THUMPD2: variants seen among roughly 807,000 people sequenced by gnomAD.
THUMPD2 encodes THUMP domain 2 tRNA and snRNA guanosine methyltransferase.
Under a neutral mutation model 49.4 loss-of-function variants are expected in THUMPD2, and 56 were observed. The observed-to-expected ratio is 1.13, with a 90% CI of 0.91 to 1.41. The LOEUF (loss-of-function observed/expected upper bound fraction) is 1.41, where lower values mean the gene tolerates loss of function less well. Among genes scored for constraint, THUMPD2 ranks in the 40% most tolerant of loss-of-function variants. The probability of loss-of-function intolerance (pLI) is 0.00; values close to 1 mark genes in which losing one functional copy is unlikely to be tolerated. For synonymous variants in THUMPD2, 237 were observed against 205.2 expected, an observed-to-expected ratio of 1.15 and a Z score of -1.32; for missense variants, 709 against 594.5, an observed-to-expected ratio of 1.19 and a Z score of -2.00.
intron 8 of THUMPD2, among the ~76,000 whole-genome samples, chr2:39,754,270 TTG>T (rs1289642295): frequency 6.6e-6 from 1 of 152,230 alleles, no homozygotes; most frequent in Non-Finnish European, 1.5e-5. Context: ...CTCTACAAAC[TTG>T]TGTCTCCTGC....
chr2:39,770,167 A>G (rs1678120502), intron 2 of THUMPD2, 48 bp from the exon 3 acceptor site: 2 of 1,277,014 alleles, frequency 1.6e-6, no homozygotes, highest in Non-Finnish European at 2.1e-6. Flanking sequence ...TTTAAAGACC[A>G]TCTATTACAA....
At chr2:39,752,585 T>C (rs529688301) in intron 8 of THUMPD2, among the ~76,000 whole-genome samples, 25 of 152,300 alleles carry the variant, frequency 1.6e-4, no homozygotes, top group African/African-American at 5.1e-4. Context: ...TTGGCCCCTG[T>C]ATTAGCAAGA....
chr2:39,762,071 T>C (rs966294728), intron 5 of THUMPD2, among the ~76,000 whole-genome samples: 4 of 152,172 alleles, frequency 2.6e-5, no homozygotes, highest in African/African-American at 9.6e-5. Flanking sequence ...TTGATAGAAA[T>C]TTTCAAAATG....
At chr2:39,773,347 T>G (rs727376) in intron 1 of THUMPD2, among the ~76,000 whole-genome samples, 62,529 of 151,464 alleles carry the variant, frequency 0.41, 14,404 homozygotes, top group East Asian at 0.75. Context: ...TTACTGAAAA[T>G]GTATGATTTT....
chr2:39,756,638 A>G (rs545493550), intron 6 of THUMPD2, among the ~76,000 whole-genome samples: 1 of 152,190 alleles, frequency 6.6e-6, no homozygotes, highest in East Asian at 1.9e-4. Context: ...GAGGAAGTGA[A>G]CAGGAAAGAG....
chr2:39,772,490 T>C (rs998118349), intron 1 of THUMPD2, among the ~76,000 whole-genome samples: 7 of 152,120 alleles, frequency 4.6e-5, no homozygotes, highest in African/African-American at 1.7e-4. Flanking sequence ...GATACTTGGC[T>C]GCAGAAACTA....
At chr2:39,774,338 A>G (rs188318181) in intron 1 of THUMPD2, among the ~76,000 whole-genome samples, 35 of 152,376 alleles carry the variant, frequency 2.3e-4, no homozygotes, top group African/African-American at 6.0e-4. Flanking sequence ...AGCGTTTACT[A>G]TCAGAAGTGT....
At chr2:39,779,036 C>G in intron 1 of THUMPD2, 78 bp downstream of exon 1, 1 of 1,354,678 alleles carries the variant, frequency 7.4e-7, no homozygotes, top group Non-Finnish European at 9.5e-7. Context: ...GACGCTTTCC[C>G]GCGTCCACGA....
chr2:39,751,502 C>A (rs992847678), intron 8 of THUMPD2, among the ~76,000 whole-genome samples: 2 of 152,038 alleles, frequency 1.3e-5, no homozygotes, highest in Non-Finnish European at 2.9e-5. Flanking sequence ...TTGCTCAAAT[C>A]TGTTTATGTT....
At chr2:39,764,616 T>G (rs1204842430) in intron 5 of THUMPD2, among the ~76,000 whole-genome samples, 1 of 152,254 alleles carries the variant, frequency 6.6e-6, no homozygotes, top group Non-Finnish European at 1.5e-5. Context: ...CTCTACTTTG[T>G]TTCATCATTT....
intron 8 of THUMPD2, among the ~76,000 whole-genome samples, chr2:39,750,723 A>T (rs1572781021): frequency 6.7e-6 from 1 of 148,244 alleles, no homozygotes. Flanking sequence ...ACAAAAAAAA[A>T]TTGTTTAAGA....
chr2:39,755,526 G>T (rs1310556573), intron 7 of THUMPD2, 117 bp from the exon 8 acceptor site: 3 of 673,722 alleles, frequency 4.5e-6, no homozygotes, highest in African/African-American at 1.9e-5. Context: ...TTAAATTCAG[G>T]TCAAAACACA....
At chr2:39,775,685 C>A (rs774459147) in intron 1 of THUMPD2, among the ~76,000 whole-genome samples, 2 of 147,144 alleles carry the variant, frequency 1.4e-5, no homozygotes, top group Admixed American at 7.1e-5. Flanking sequence ...ATCGCTTGAA[C>A]CCAGGAGGCG....
At chr2:39,778,144 G>T (rs1270673251) in intron 1 of THUMPD2, among the ~76,000 whole-genome samples, 1 of 152,110 alleles carries the variant, frequency 6.6e-6, no homozygotes, top group Non-Finnish European at 1.5e-5. Context: ...TACCTTATAG[G>T]GCTGTTGTGA....
In THUMPD2 at chr2:39,769,813, T is replaced by A. The variant is rs761273644; in HGVS notation, c.569A>T (p.Gln190Leu). 6.2e-7 allele frequency: 1 copy of A among 1,611,666 alleles called. No homozygotes were observed. Among genetic ancestry groups the A allele is most frequent in the Non-Finnish European group, 8.5e-7 (1 of 1,179,496 alleles). Residue 190 changes from glutamine (Q) to leucine (L), a missense_variant, in exon 3 of 10, where the codon CAG (glutamine) becomes CTG (leucine). Transcript: ENST00000505747. ...ATCAATTGCTTTCTCTATGTCATTC[T>A]GAAATTCTTCTTCTTGAAACTTTTC... ...KSEKFQEEEF[Q>L]NDIEKAIDTH... is the part of the protein sequence containing the mutation.
In THUMPD2 at chr2:39,736,648, G is replaced by T. The variant is rs547040323; in HGVS notation, c.*87C>A. The T allele has an allele frequency of 9.0e-5, 111 of 1,236,346 alleles. No individual in the cohort carries two copies. Among genetic ancestry groups the T allele is most frequent in the Non-Finnish European group, 1.2e-4 (104 of 903,846 alleles). 76.6% of individuals were successfully genotyped at this position (1,236,346 alleles called of 1,614,324 possible). ...GGAATTTGGTTACTTGGAGCTCTGT[G>T]GGTGCTATATGAATCCTAGAGACAG... On this transcript the variant is annotated 3_prime_UTR_variant, in exon 10 of 10. Coordinates refer to ENST00000505747, the MANE Select transcript of THUMPD2 (RefSeq NM_025264.5).
chr2:39,749,920 G>T (rs1231614726), intron 8 of THUMPD2, among the ~76,000 whole-genome samples: 9 of 152,262 alleles, frequency 5.9e-5, no homozygotes, highest in Non-Finnish European at 1.3e-4. Context: ...CCCTGCAAAG[G>T]ACATTATCTT....
At chr2:39,760,827 A>G (rs1335674530) in intron 6 of THUMPD2, among the ~76,000 whole-genome samples, 1 of 152,228 alleles carries the variant, frequency 6.6e-6, no homozygotes, top group African/African-American at 2.4e-5. Context: ...GCCACATGAC[A>G]GCTGAATAAT....
chr2:39,745,134 CT>C (rs1558492385), intron 8 of THUMPD2, among the ~76,000 whole-genome samples: 1 of 152,136 alleles, frequency 6.6e-6, no homozygotes, highest in Non-Finnish European at 1.5e-5. Flanking sequence ...GTACTTTCCA[CT>C]TTTTACTTAT....
Sources: gnomAD v4.1 joint callset for allele counts (sites outside exome capture counted in the v4.1 genomes callset) on GRCh38, gnomAD v4.1.1 for gene constraint, MANE v1.5 for transcripts, NCBI Gene and HGNC (gene_info 2026-07-23, HGNC 2026-07-21) for gene names.